Variants in ESRRG observed in about 807,000 individuals in gnomAD.
The protein encoded by ESRRG is estrogen related receptor gamma, also known as estrogen-related receptor gamma.
Under a neutral mutation model 44.0 loss-of-function variants are expected in ESRRG, and 13 were observed. The ratio of observed to expected loss-of-function variants is 0.30; its 90% CI spans 0.19 to 0.47. The LOEUF (loss-of-function observed/expected upper bound fraction) is 0.47. Among genes scored for constraint, ESRRG ranks in the 20% least tolerant of loss-of-function variants. ESRRG has a pLI of 1.00. For synonymous variants in ESRRG, 215 were observed against 214.6 expected (o/e 1.00, Z -0.02); for missense variants, 395 against 580.6 (o/e 0.68, Z 3.29).
intron 1 of ESRRG, among the ~76,000 whole-genome samples, chr1:217,134,081 C>T (rs1002554956): frequency 1.9e-4 from 29 of 152,196 alleles, no homozygotes; most frequent in African/African-American, 6.0e-4. Context: ...TGGGCAGCTC[C>T]GGGCCAGATG....
intron 2 of ESRRG, among the ~76,000 whole-genome samples, chr1:216,658,756 C>T (rs1261348643): frequency 6.6e-6 from 1 of 151,734 alleles, no homozygotes; most frequent in Non-Finnish European, 1.5e-5. Flanking sequence ...TCACTTGAAC[C>T]CAGAAGGCGG....
intron 1 of ESRRG, among the ~76,000 whole-genome samples, chr1:217,043,038 C>T (rs71643439): frequency 0.15 from 23,467 of 152,144 alleles, 2,368 homozygotes; most frequent in Non-Finnish European, 0.2. Context: ...TCATAAATTC[C>T]TATTTTTCCT....
At chr1:216,719,472 T>G (rs1175176866) in intron 1 of ESRRG, among the ~76,000 whole-genome samples, 1 of 151,970 alleles carries the variant, frequency 6.6e-6, no homozygotes, top group Non-Finnish European at 1.5e-5. Context: ...TCTGAAAAAT[T>G]TAGAGTTAAA....
At chr1:216,668,813 A>G (rs563174436) in intron 2 of ESRRG, among the ~76,000 whole-genome samples, 1 of 152,344 alleles carries the variant, frequency 6.6e-6, no homozygotes, top group African/African-American at 2.4e-5. Flanking sequence ...GAGAAAAGAG[A>G]CTAGAAAATT....
chr1:216,924,639 T>A (rs938011983), intron 2 of ESRRG, among the ~76,000 whole-genome samples: 6 of 152,174 alleles, frequency 3.9e-5, no homozygotes, highest in Non-Finnish European at 5.9e-5. Context: ...TCATTTTGCC[T>A]CTCCATAATT....
At chr1:216,858,650 G>C (rs1218140766) in intron 2 of ESRRG, among the ~76,000 whole-genome samples, 3 of 152,130 alleles carry the variant, frequency 2.0e-5, no homozygotes, top group African/African-American at 7.2e-5. Context: ...ATTCTCACAA[G>C]AACTCTCTTG....
chr1:216,911,184 G>T (rs1023776634), intron 2 of ESRRG, among the ~76,000 whole-genome samples: 1 of 152,068 alleles, frequency 6.6e-6, no homozygotes. Flanking sequence ...GATGTTTATT[G>T]CAGTTTTATT....
chr1:217,078,526 G>A (rs1393115522), intron 1 of ESRRG, among the ~76,000 whole-genome samples: 1 of 152,136 alleles, frequency 6.6e-6, no homozygotes, highest in East Asian at 1.9e-4. Context: ...AGGTCAGAAA[G>A]GAATGTGGAA....
intron 1 of ESRRG, among the ~76,000 whole-genome samples, chr1:216,973,460 G>T (rs2072144012): frequency 6.6e-6 from 1 of 152,124 alleles, no homozygotes; most frequent in African/African-American, 2.4e-5. Flanking sequence ...CACTCCCTCA[G>T]TGTTGTCAGG....
At chr1:216,617,749 A>G (rs2061615766) in intron 3 of ESRRG, among the ~76,000 whole-genome samples, 1 of 152,170 alleles carries the variant, frequency 6.6e-6, no homozygotes, top group South Asian at 2.1e-4. Context: ...ATATGTCCAA[A>G]ATTAGACTGT....
At chr1:217,005,351 A>G (rs2077587275) in intron 1 of ESRRG, among the ~76,000 whole-genome samples, 1 of 152,162 alleles carries the variant, frequency 6.6e-6, no homozygotes, top group South Asian at 2.1e-4. Context: ...TTACATATTA[A>G]AACAAAGACT....
At chr1:216,843,114 A>T (rs1179864555) in intron 2 of ESRRG, among the ~76,000 whole-genome samples, 2 of 152,064 alleles carry the variant, frequency 1.3e-5, no homozygotes, top group African/African-American at 4.8e-5. Context: ...CCAAGCACTC[A>T]TGAATGGGAA....
chr1:216,869,094 T>A (rs987589881), intron 2 of ESRRG, among the ~76,000 whole-genome samples: 1 of 152,188 alleles, frequency 6.6e-6, no homozygotes, highest in Non-Finnish European at 1.5e-5. Context: ...TTTTTTGTTT[T>A]ATGGATTATA....
chr1:217,022,794 C>T (rs1328556912), intron 1 of ESRRG, among the ~76,000 whole-genome samples: 2 of 151,720 alleles, frequency 1.3e-5, no homozygotes, highest in Non-Finnish European at 2.9e-5. Flanking sequence ...ATTGTAGGCA[C>T]TCAAGCTGTA....
At chr1:217,057,023 G>A (rs990147977) in intron 1 of ESRRG, among the ~76,000 whole-genome samples, 3 of 152,278 alleles carry the variant, frequency 2.0e-5, no homozygotes, top group South Asian at 2.1e-4. Flanking sequence ...ACATGGGAAG[G>A]AGGACTGAGG....
chr1:217,107,102 A>C (rs189040861), intron 1 of ESRRG, among the ~76,000 whole-genome samples: 2 of 152,350 alleles, frequency 1.3e-5, no homozygotes, highest in African/African-American at 4.8e-5. Flanking sequence ...AAACTGATTA[A>C]TCTGAATATC....
chr1:216,955,052 A>T (rs1249746354), intron 1 of ESRRG, among the ~76,000 whole-genome samples: 3 of 152,156 alleles, frequency 2.0e-5, no homozygotes, highest in Non-Finnish European at 2.9e-5. Flanking sequence ...CATTGGGAAC[A>T]TTCAAAATTT....
intron 2 of ESRRG, among the ~76,000 whole-genome samples, chr1:216,935,492 G>A (rs2063980859): frequency 6.6e-6 from 1 of 152,140 alleles, no homozygotes; most frequent in Non-Finnish European, 1.5e-5. Flanking sequence ...GGTGCATAGG[G>A]CAAGGTATAT....
At chr1:216,577,508 C>T (rs190672640) in intron 3 of ESRRG, among the ~76,000 whole-genome samples, 5 of 152,100 alleles carry the variant, frequency 3.3e-5, no homozygotes, top group African/African-American at 1.2e-4. Flanking sequence ...GTGACACTGG[C>T]AGCAATAAGT....
Sources: allele counts gnomAD v4.1 joint callset (sites outside exome capture counted in the v4.1 genomes callset), GRCh38; gene constraint gnomAD v4.1.1; transcripts MANE v1.5; gene names NCBI Gene and HGNC (gene_info 2026-07-23, HGNC 2026-07-21).